Variants in SLC44A5 observed in about 807,000 individuals in gnomAD.
SLC44A5 encodes solute carrier family 44 member 5.
Under a neutral mutation model 101.8 loss-of-function variants are expected in SLC44A5, and 57 were observed. That is an observed-to-expected ratio of 0.56 (90% CI 0.45 to 0.70). The LOEUF (loss-of-function observed/expected upper bound fraction) is 0.70, where lower values mean the gene tolerates loss of function less well. SLC44A5 is among the 30% of genes least tolerant of loss of function. The pLI, the probability that SLC44A5 is intolerant of heterozygous loss-of-function variation, is 0.00. For synonymous variants in SLC44A5, 281 were observed against 290.9 expected (o/e 0.97, Z 0.35); for missense variants, 737 against 853.1 (o/e 0.86, Z 1.70).
chr1:75,319,921 A>C (rs1324118305), intron 4 of SLC44A5, among the ~76,000 whole-genome samples: 1 of 152,164 alleles, frequency 6.6e-6, no homozygotes, highest in Non-Finnish European at 1.5e-5. Context: ...TCATTTTCCT[A>C]AGTTTGTTAA....
Position 75,564,532 on chromosome 1 carries a change from A to G in SLC44A5, c.-69-23016T>C, listed in dbSNP as rs1425852568. On this transcript the variant is annotated intron_variant, in intron 1 of 23. Coordinates refer to ENST00000370859, the MANE Select transcript of SLC44A5 (RefSeq NM_001130058.2). The stretch of plus-strand genomic sequence containing the variant: ...TGAATAATCTGGCTCTTTACCTGAG[A>G]AGTTAGGACCCATGATCTTTAACTC... 3.9e-5 allele frequency among the ~76,000 whole-genome samples: 6 copies of G among 151,962 alleles called. No individual in the cohort carries two copies. In the East Asian group the frequency reaches 9.6e-4, roughly 24 times the overall value.
chr1:75,467,920 C>G (rs985813333), intron 2 of SLC44A5, among the ~76,000 whole-genome samples: 5 of 96,068 alleles, frequency 5.2e-5, no homozygotes, highest in Non-Finnish European at 1.0e-4. Flanking sequence ...AAAATATTTG[C>G]AAACAACCAT....
intron 2 of SLC44A5, among the ~76,000 whole-genome samples, chr1:75,489,733 C>T (rs1668337140): frequency 6.6e-6 from 1 of 151,954 alleles, no homozygotes; most frequent in South Asian, 2.1e-4. Flanking sequence ...AAGATACTGA[C>T]AAAAAATAAG....
chr1:75,371,738 G>T (rs1416257142), intron 3 of SLC44A5, among the ~76,000 whole-genome samples: 3 of 152,070 alleles, frequency 2.0e-5, no homozygotes, highest in Non-Finnish European at 4.4e-5. Flanking sequence ...TAAAATGAAG[G>T]CCCACCTATT....
At chr1:75,523,559 T>A (rs1316875427) in intron 2 of SLC44A5, among the ~76,000 whole-genome samples, 1 of 152,168 alleles carries the variant, frequency 6.6e-6, no homozygotes, top group East Asian at 1.9e-4. Flanking sequence ...TGACCTCAGT[T>A]GATCCACCCG....
chr1:75,369,694 T>C (rs1660100448), intron 3 of SLC44A5, among the ~76,000 whole-genome samples: 2 of 152,192 alleles, frequency 1.3e-5, no homozygotes, highest in African/African-American at 2.4e-5. Context: ...TCATAATTTA[T>C]TAAATCTATT....
chr1:75,409,790 T>C (rs1167093563), intron 2 of SLC44A5, among the ~76,000 whole-genome samples: 3 of 152,130 alleles, frequency 2.0e-5, no homozygotes, highest in Non-Finnish European at 4.4e-5. Flanking sequence ...TTGATAATTA[T>C]GTAGGGCAGG....
intron 1 of SLC44A5, among the ~76,000 whole-genome samples, chr1:75,594,117 AC>A (rs1674506894): frequency 6.6e-6 from 1 of 151,868 alleles, no homozygotes; most frequent in Non-Finnish European, 1.5e-5. Flanking sequence ...AAATATATAC[AC>A]CTACTGTGTA....
chr1:75,562,593 G>A (rs1293189608), intron 1 of SLC44A5, among the ~76,000 whole-genome samples: 11 of 152,074 alleles, frequency 7.2e-5, no homozygotes, highest in Middle Eastern at 3.2e-3. Context: ...AGCTACTCGG[G>A]GGGAGGATTG....
At chr1:75,679,096 G>C in the SLC44A5 span, among the ~76,000 whole-genome samples, 2 of 152,170 alleles carry the variant, frequency 1.3e-5, no homozygotes, top group Non-Finnish European at 2.9e-5. Flanking sequence ...AAGCCTCCAA[G>C]AAATATGGGA....
chr1:75,421,393 C>T (rs1003477025), intron 2 of SLC44A5, among the ~76,000 whole-genome samples: 2 of 152,016 alleles, frequency 1.3e-5, no homozygotes, highest in African/African-American at 4.8e-5. Flanking sequence ...GAGAAAGATA[C>T]TGACTAGTTA....
At chr1:75,652,052 G>A in the SLC44A5 span, among the ~76,000 whole-genome samples, 1 of 152,220 alleles carries the variant, frequency 6.6e-6, no homozygotes, top group African/African-American at 2.4e-5. Context: ...GCAAAATGGT[G>A]GAGTTTAACT....
chr1:75,323,923 T>G (rs1251826783), intron 4 of SLC44A5, among the ~76,000 whole-genome samples: 1 of 152,222 alleles, frequency 6.6e-6, no homozygotes, highest in Non-Finnish European at 1.5e-5. Context: ...CTACTTTTCA[T>G]GTTAGGCTAA....
rs571411960 is a variant in SLC44A5, at chr1:75,557,617, A to G, written c.-69-16101T>C. 5.9e-5 allele frequency among the ~76,000 whole-genome samples: 9 copies of G among 152,210 alleles called. 1 individual carries two copies. In the South Asian group the frequency reaches 1.5e-3, roughly 25 times the overall value. On this transcript the variant is annotated intron_variant, in intron 1 of 23. Coordinates refer to ENST00000370859, the MANE Select transcript of SLC44A5 (RefSeq NM_001130058.2). ...AGGCAAGGTAGTTTTTAAAACAGAA[A>G]ACAAAAATTATATGGTTCATATTTA...
chr1:75,339,665 G>A, intron 3 of SLC44A5, 35 bp from the exon 4 acceptor site: 2 of 1,553,208 alleles, frequency 1.3e-6, no homozygotes, highest in Non-Finnish European at 1.8e-6. Flanking sequence ...AAGCATATAA[G>A]CCAGCAAATA....
At chr1:75,374,558 C>T (rs1557715536) in intron 3 of SLC44A5, among the ~76,000 whole-genome samples, 1 of 152,096 alleles carries the variant, frequency 6.6e-6, no homozygotes, top group Non-Finnish European at 1.5e-5. Flanking sequence ...CATCTTTTGC[C>T]CCCCATTCCC....
intron 2 of SLC44A5, among the ~76,000 whole-genome samples, chr1:75,494,479 C>T: frequency 6.6e-6 from 1 of 152,088 alleles, no homozygotes; most frequent in South Asian, 2.1e-4. Context: ...GTCACTGGCT[C>T]CTGGAGCTGA....
the SLC44A5 span, chr1:75,642,104 T>C: frequency 3.5e-6 from 4 of 1,155,870 alleles, no homozygotes; most frequent in African/African-American, 1.6e-5. Flanking sequence ...TTTTATTTGA[T>C]GTAGATATAA....
chr1:75,506,973 G>A (rs1254268441), intron 2 of SLC44A5, among the ~76,000 whole-genome samples: 1 of 115,990 alleles, frequency 8.6e-6, no homozygotes, highest in African/African-American at 3.3e-5. Flanking sequence ...GCAGTGGCTT[G>A]ATCTTGGCTC....
Sources: gnomAD v4.1 joint callset for allele counts (sites outside exome capture counted in the v4.1 genomes callset) on GRCh38, gnomAD v4.1.1 for gene constraint, MANE v1.5 for transcripts, NCBI Gene and HGNC (gene_info 2026-07-23, HGNC 2026-07-21) for gene names.